The following AMHR2 variants were observed in gnomAD, a reference collection of about 807,000 sequenced individuals.
AMHR2 encodes the protein anti-Muellerian hormone type-2 receptor.
In AMHR2, 36 loss-of-function variants were observed where a neutral mutation model predicts 61.4. That is an observed-to-expected ratio of 0.59 (90% CI 0.45 to 0.77). AMHR2 has a LOEUF of 0.77. AMHR2 is among the 30% of genes least tolerant of loss of function. AMHR2 has a pLI of 0.00. For synonymous variants in AMHR2, 258 were observed against 279.4 expected, an observed-to-expected ratio of 0.92 and a Z score of 0.76; for missense variants, 638 against 714.6, an observed-to-expected ratio of 0.89 and a Z score of 1.22.
Position 53,425,546 on chromosome 12 carries a change from G to A in AMHR2, c.594G>A (p.Gln198=). 6.2e-7 allele frequency: 1 copy of A among 1,614,068 alleles called. No individual in the cohort carries two copies. Among genetic ancestry groups the A allele is most frequent in the Non-Finnish European group, 8.5e-7 (1 of 1,180,042 alleles). ...GCAGGGACTGGAGTGTGGAGCTGCA[G>A]GAGCTGCCTGAGCTGTGTTTCTCCC... is the stretch of plus-strand genomic sequence containing the variant. ...DSGRDWSVEL[Q]ELPELCFSQV... is the part of the protein sequence containing the mutation. The change falls in exon 5 of 11, where the codon CAG becomes CAA. Residue 198 remains glutamine (Q), a synonymous_variant. Coordinates refer to ENST00000257863, the MANE Select transcript of AMHR2 (RefSeq NM_020547.3).
At chr12:53,429,209 G>T (rs1939887528) in intron 7 of AMHR2, among the ~76,000 whole-genome samples, 199 bp downstream of exon 7, 1 of 152,068 alleles carries the variant, frequency 6.6e-6, no homozygotes, top group Non-Finnish European at 1.5e-5. Flanking sequence ...TGGCTAACAT[G>T]GTGAAACCCT....
chr12:53,426,937 C>A (rs989841218), intron 6 of AMHR2, among the ~76,000 whole-genome samples: 1 of 150,736 alleles, frequency 6.6e-6, no homozygotes, highest in African/African-American at 2.4e-5. Flanking sequence ...CCCATCTTAG[C>A]CCCCCAAAGT....
intron 4 of AMHR2, 100 bp downstream of exon 4, chr12:53,425,342 T>C: frequency 1.2e-6 from 2 of 1,602,730 alleles, no homozygotes; most frequent in Non-Finnish European, 1.7e-6. Context: ...TTGGGATCTC[T>C]ATAGCCTGAT....
Position 53,431,629 on chromosome 12 carries a change from T to G in AMHR2, c.*156T>G. The G allele has an allele frequency of 2.2e-6, 2 of 929,962 alleles. No individual in the cohort carries two copies. The highest frequency in any genetic ancestry group is 4.0e-5 in the Admixed American group (2 of 50,046). 57.6% of individuals were successfully genotyped at this position (929,962 alleles called of 1,614,324 possible). Reference sequence around the variant, plus strand: ...ATCAGTTCTGACCAGTGACTTGGGGTAGGTGTGCACAGGAAAGAGAATAAA... The same window carrying G: ...ATCAGTTCTGACCAGTGACTTGGGGGAGGTGTGCACAGGAAAGAGAATAAA... On this transcript the variant is annotated 3_prime_UTR_variant, in exon 11 of 11. Transcript: ENST00000257863.
At chr12:53,429,232 A>T (rs1939889793) in intron 7 of AMHR2, among the ~76,000 whole-genome samples, 3 of 152,084 alleles carry the variant, frequency 2.0e-5, no homozygotes, top group Admixed American at 2.0e-4. Flanking sequence ...CTCTATTAAA[A>T]ATACAAAATA....
chr12:53,431,317 A>G lies in AMHR2; in HGVS notation c.1566A>G (p.Pro522=). The change falls in exon 11 of 11, where the codon CCA becomes CCG. Residue 522 remains proline (P), a synonymous_variant. Transcript: ENST00000257863. ...QESHPFPESC[P]RGCPPLCPED... is the part of the protein sequence containing the mutation. ...GCCACCCCTTTCCAGAGAGCTGTCCACGTGGCTGCCCACCTCTCTGCCCAG... is the reference window on the plus strand; with the variant it reads ...GCCACCCCTTTCCAGAGAGCTGTCCGCGTGGCTGCCCACCTCTCTGCCCAG... The G allele has an allele frequency of 6.2e-7, 1 of 1,614,216 alleles. No homozygotes were observed. The highest frequency in any genetic ancestry group is 1.1e-5 in the South Asian group (1 of 91,090).
Position 53,430,291 on chromosome 12 carries a change from C to A in AMHR2, c.1425+9C>A. The A allele has an allele frequency of 6.2e-7, 1 of 1,614,170 alleles. No individual in the cohort carries two copies. Among genetic ancestry groups the A allele is most frequent in the Non-Finnish European group, 8.5e-7 (1 of 1,180,028 alleles). ...GGCGCTGCTTTGCCACAGTAAGAGG[C>A]CTAGGCTGTTGGTCTGGGAACCTGG... On this transcript the variant is annotated intron_variant, in intron 10 of 10. Coordinates refer to ENST00000257863, the MANE Select transcript of AMHR2 (RefSeq NM_020547.3).
chr12:53,430,411 C>G, intron 10 of AMHR2, 129 bp downstream of exon 10: 1 of 1,478,774 alleles, frequency 6.8e-7, no homozygotes, highest in South Asian at 1.2e-5. Context: ...TTGGTTCATG[C>G]TCAGCTGGAA....
intron 8 of AMHR2, 41 bp downstream of exon 8, chr12:53,429,666 G>A: frequency 6.2e-7 from 1 of 1,610,068 alleles, no homozygotes; most frequent in Non-Finnish European, 8.5e-7. Context: ...GGATGATGTT[G>A]GTGCTGCTGA....
intron 6 of AMHR2, among the ~76,000 whole-genome samples, chr12:53,427,602 C>T (rs1210303840): frequency 6.6e-6 from 1 of 152,132 alleles, no homozygotes; most frequent in Non-Finnish European, 1.5e-5. Flanking sequence ...GGGATTTCAC[C>T]CTGTTGGCCA....
rs1334219827 is a variant in AMHR2 at position 53,425,163 on chromosome 12, AG to A, written c.425del. ...AGCCTGCATTCTTGCCTTGATGTCC[AG>A]GTGAGTCCATCTGGATGGCACTGGT... On this transcript the variant is annotated splice_acceptor_variant, in intron 3 of 10. Transcript: ENST00000257863. LOFTEE classifies it high-confidence loss of function. 1 of 1,613,708 alleles carries A rather than the reference AG, an allele frequency of 6.2e-7. No homozygotes were observed. The highest frequency in any genetic ancestry group is 8.5e-7 in the Non-Finnish European group (1 of 1,180,016).
In AMHR2 at chr12:53,429,600, C is replaced by A. The variant is rs780536444; in HGVS notation, c.1115C>A (p.Pro372Gln). The change falls in exon 8 of 11, where the codon CCA (proline) becomes CAA (glutamine). Residue 372 changes from proline (P) to glutamine (Q), a missense_variant. Pro to Gln is a moderately conservative substitution (Grantham distance 76). Coordinates refer to ENST00000257863, the MANE Select transcript of AMHR2 (RefSeq NM_020547.3). ...CCCCCTGCCTGGACCCCTACTCAAC[C>A]ACAAGGCCCAGCTGCCATCATGGAA... ...TQPPAWTPTQ[P>Q]QGPAAIMEAG... 1 of 1,614,098 alleles carries A rather than the reference C, an allele frequency of 6.2e-7. No homozygotes were observed. The highest frequency in any genetic ancestry group is 8.5e-7 in the Non-Finnish European group (1 of 1,179,998).
rs896928043 is a variant in AMHR2, at chr12:53,424,633, C to T, written c.233-76C>T. 4.5e-6 allele frequency: 7 copies of T among 1,541,882 alleles called. No individual in the cohort carries two copies. The African/African-American group carries it at 5.5e-5, about 12-fold the overall frequency. ...GCCTCTGATAGAGAAGGGATTTACC[C>T]TCTGTTTCCACACCCCATTGTGCTT... On this transcript the variant is annotated intron_variant, in intron 2 of 10. Transcript: ENST00000257863.
chr12:53,429,158 C>T (rs1204514303), intron 7 of AMHR2, 148 bp downstream of exon 7: 11 of 804,394 alleles, frequency 1.4e-5, no homozygotes, highest in East Asian at 5.4e-5. Flanking sequence ...TTTGGGAGGC[C>T]GAGGTGGGCG....
intron 2 of AMHR2, 57 bp downstream of exon 2, chr12:53,424,527 G>A: frequency 1.3e-6 from 2 of 1,590,730 alleles, no homozygotes; most frequent in East Asian, 2.3e-5. Context: ...ACACATCCTG[G>A]GGTGTGGGTG....
rs745998245 is a variant in AMHR2 at position 53,423,960 on chromosome 12, C to A, written c.26C>A (p.Ala9Glu). MLGSLGLWALLPTAVEAPP... is the reference protein window; with the variant it reads MLGSLGLWELLPTAVEAPP... ...ATGCTAGGGTCTTTGGGGCTTTGGG[C>A]ATTACTTCCCACAGCTGTGGAAGGT... Residue 9 changes from alanine to glutamate, a missense_variant, in exon 1 of 11, where the codon GCA becomes GAA. Transcript: ENST00000257863. 1.2e-6 allele frequency: 2 copies of A among 1,614,036 alleles called. No homozygotes were observed. The highest frequency in any genetic ancestry group is 3.3e-5 in the Admixed American group (2 of 60,004).
In AMHR2 at chr12:53,429,037, AG is replaced by A. The variant is rs1179359429; in HGVS notation, c.967+30del. 4.6e-6 allele frequency: 7 copies of A among 1,510,124 alleles called. No homozygotes were observed. In the South Asian group the frequency reaches 4.8e-5, roughly 10 times the overall value. 93.5% of individuals were successfully genotyped at this position (1,510,124 alleles called of 1,614,324 possible). On this transcript the variant is annotated intron_variant, in intron 7 of 10. Transcript: ENST00000257863. ...TGGGTGAGCTGGGCATAGGAAGTCA[AG>A]GGAGCCACAGTGCTATGTTTGTGAT... is the stretch of plus-strand genomic sequence containing the variant.
intron 7 of AMHR2, 36 bp from the exon 8 acceptor site, chr12:53,429,417 A>G (rs1939916136): frequency 6.3e-7 from 1 of 1,599,100 alleles, no homozygotes; most frequent in Non-Finnish European, 8.5e-7. Context: ...GGGAGGAAGA[A>G]AATCCATGTT....
intron 1 of AMHR2, 76 bp downstream of exon 1, chr12:53,424,059 C>A (rs1010898814): frequency 6.4e-7 from 1 of 1,556,802 alleles, no homozygotes; most frequent in Non-Finnish European, 8.8e-7. Context: ...CAAGAGCCAC[C>A]CCTTTGGAAG....
Sources: allele counts gnomAD v4.1 joint callset (sites outside exome capture counted in the v4.1 genomes callset), GRCh38; gene constraint gnomAD v4.1.1; transcripts MANE v1.5; gene names NCBI Gene and HGNC (gene_info 2026-07-23, HGNC 2026-07-21).